The following ITGB4 variants were observed in gnomAD, a reference collection of about 807,000 sequenced individuals.
ITGB4 encodes integrin beta-4.
A neutral mutation model predicts 207.6 loss-of-function variants in ITGB4; 159 were observed. The observed-to-expected ratio is 0.77, with a 90% CI of 0.67 to 0.87. The LOEUF (loss-of-function observed/expected upper bound fraction) is 0.87, where lower values mean the gene tolerates loss of function less well. Ranked by LOEUF, ITGB4 falls within the 40% of genes least tolerant of loss-of-function variation. The probability of loss-of-function intolerance (pLI) is 0.00; values close to 1 mark genes in which losing one functional copy is unlikely to be tolerated. For synonymous variants in ITGB4, 1,020 were observed against 1,062.7 expected (o/e 0.96, Z 0.78); for missense variants, 2,278 against 2,546.8 (o/e 0.89, Z 2.27).
rs1201117418 is a variant in ITGB4 at position 75,742,135 on chromosome 17, A to T, written c.2634-206A>T. ...CATTTCACAGAGGAGGACGCTGAGGACAGGGAGGCGCCATGGCTGGGCTGA... is the reference window on the plus strand; with the variant it reads ...CATTTCACAGAGGAGGACGCTGAGGTCAGGGAGGCGCCATGGCTGGGCTGA... On this transcript the variant is annotated intron_variant, in intron 23 of 39. Transcript: ENST00000200181. This position sits in a 1 kb window ranked among gnomAD's most constrained non-coding sequence, Gnocchi z 5.9. Among the ~76,000 whole-genome samples, 2 of 152,258 alleles carry T rather than the reference A, an allele frequency of 1.3e-5. No individual in the cohort carries two copies. Among genetic ancestry groups the T allele is most frequent in the Admixed American group, 6.5e-5 (1 of 15,284 alleles).
rs1221194765 is a variant in ITGB4 at position 75,729,085 on chromosome 17, G to T, written c.567-180G>T. Among the ~76,000 whole-genome samples the T allele has an allele frequency of 2.0e-5, 3 of 151,252 alleles. No homozygotes were observed. Among genetic ancestry groups the T allele is most frequent in the East Asian group, 1.9e-4 (1 of 5,170 alleles). On this transcript the variant is annotated intron_variant, in intron 6 of 39. Transcript: ENST00000200181. The surrounding 1 kb of genome is among the most constrained non-coding windows in gnomAD (Gnocchi z 4.4). ...AGGCAGGAGAATCACTTGAACCCAGGAGGCAGAGGTTGCAGTGAGCCAAGA... is the reference window on the plus strand; with the variant it reads ...AGGCAGGAGAATCACTTGAACCCAGTAGGCAGAGGTTGCAGTGAGCCAAGA...
chr17:75,733,041 C>A lies in ITGB4; in HGVS notation c.1455-449C>A, dbSNP rs560434130. 2.0e-5 allele frequency among the ~76,000 whole-genome samples: 3 copies of A among 151,598 alleles called. No individual in the cohort carries two copies. The South Asian group carries it at 6.3e-4, about 32-fold the overall frequency. ...CGGAGGTTGCCGTGAGCTGAGATCGCGCCACTGCACTCCAGCCTGGGCAAG... is the reference window on the plus strand; with the variant it reads ...CGGAGGTTGCCGTGAGCTGAGATCGAGCCACTGCACTCCAGCCTGGGCAAG... On this transcript the variant is annotated intron_variant, in intron 12 of 39. Transcript: ENST00000200181.
rs1331585753 is a variant in ITGB4, at chr17:75,757,517, C to T, written c.5431C>T (p.Leu1811Phe). The change falls in exon 40 of 40, where the codon CTT becomes TTT. Residue 1811 changes from leucine (L) to phenylalanine (F), a missense_variant. Physicochemically the swap from Leu to Phe is conservative, Grantham distance 22 (BLOSUM62 0). Transcript: ENST00000200181. ...VSRTLTTSGT[L>F]STHMDQQFFQ... ...CCGGACACTGACCACCAGCGGAACC[C>T]TTAGCACCCACATGGACCAACAGTT... 1 of 1,613,462 alleles carries T rather than the reference C, an allele frequency of 6.2e-7. No individual in the cohort carries two copies. Among genetic ancestry groups the T allele is most frequent in the South Asian group, 1.1e-5 (1 of 91,080 alleles).
rs750026184 is a variant in ITGB4, at chr17:75,728,426, G to A, written c.519G>A (p.Lys173=). The A allele has an allele frequency of 9.3e-6, 15 of 1,614,098 alleles. No individual in the cohort carries two copies. Among genetic ancestry groups the A allele is most frequent in the South Asian group, 2.2e-5 (2 of 91,092 alleles). The stretch of plus-strand genomic sequence containing the variant: ...GCGACTACACTATTGGATTTGGCAA[G>A]TTTGTGGACAAAGTCAGCGTCCCGC... ...LTSDYTIGFG[K]FVDKVSVPQT... Residue 173 remains lysine, a synonymous_variant, in exon 6 of 40, where the codon AAG becomes AAA. Coordinates refer to ENST00000200181, the MANE Select transcript of ITGB4 (RefSeq NM_000213.5).
chr17:75,734,972 G>T (rs754818349), intron 13 of ITGB4, among the ~76,000 whole-genome samples: 2 of 152,204 alleles, frequency 1.3e-5, no homozygotes, highest in Non-Finnish European at 2.9e-5. Flanking sequence ...TATTAACCTT[G>T]TATCTAGTCA....
Position 75,733,631 on chromosome 17 carries a change from G to A in ITGB4, c.1596G>A (p.Glu532=). 6.2e-7 allele frequency: 1 copy of A among 1,614,204 alleles called. No homozygotes were observed. ...TGTGCTACGGCGAAGGCCGCTACGA[G>A]GGTCAGTTCTGCGAGTATGACAACT... ...HCVCYGEGRY[E]GQFCEYDNFQ... is the part of the protein sequence containing the mutation. Residue 532 remains glutamate (E), a synonymous_variant, in exon 13 of 40, where the codon GAG becomes GAA. Coordinates refer to ENST00000200181, the MANE Select transcript of ITGB4 (RefSeq NM_000213.5).
intron 13 of ITGB4, among the ~76,000 whole-genome samples, chr17:75,735,257 T>C (rs2060948070): frequency 1.3e-5 from 2 of 151,760 alleles, no homozygotes. Context: ...CCAGCTAATT[T>C]TTGTATTTTT....
In ITGB4 at chr17:75,740,509, G is replaced by T; in HGVS notation, c.2550+48G>T. 2 of 1,460,160 alleles carry T rather than the reference G, an allele frequency of 1.4e-6. No homozygotes were observed. The highest frequency in any genetic ancestry group is 9.6e-7 in the Non-Finnish European group (1 of 1,042,682). The allele number at this position is 1,460,160 out of a possible 1,614,324, so 90.5% of individuals were successfully genotyped here. A position where few individuals can be genotyped will look rare whatever the true frequency, so the allele number is the denominator to read the frequency against. On this transcript the variant is annotated intron_variant, in intron 21 of 39. Transcript: ENST00000200181. The surrounding 1 kb of genome is among the most constrained non-coding windows in gnomAD (Gnocchi z 5.9). Reference sequence around the variant, plus strand: ...TGGCCGGAGATGTGGGTATGAGGGCGGGTGAGGTGGGCAGGGCAGAGCGAA... The same window carrying T: ...TGGCCGGAGATGTGGGTATGAGGGCTGGTGAGGTGGGCAGGGCAGAGCGAA...
In ITGB4 at chr17:75,740,017, A is replaced by G. The variant is rs747859796; in HGVS notation, c.2392A>G (p.Met798Val). 1 of 1,613,090 alleles carries G rather than the reference A, an allele frequency of 6.2e-7. No homozygotes were observed. The highest frequency in any genetic ancestry group is 1.3e-5 in the African/African-American group (1 of 75,056). The change falls in exon 20 of 40, where the codon ATG (methionine) becomes GTG (valine). Residue 798 changes from methionine (M) to valine (V), a missense_variant. Coordinates refer to ENST00000200181, the MANE Select transcript of ITGB4 (RefSeq NM_000213.5). The surrounding 1 kb of genome is among the most constrained non-coding windows in gnomAD (Gnocchi z 5.9). ...DVVRWKVTNNMQRPGFATHAA... is the reference protein window; with the variant it reads ...DVVRWKVTNNVQRPGFATHAA... ...GGTCCGCTGGAAGGTCACCAACAACATGCAGCGGCCTGGCTTTGCCACTCA... is the reference window on the plus strand; with the variant it reads ...GGTCCGCTGGAAGGTCACCAACAACGTGCAGCGGCCTGGCTTTGCCACTCA...
Position 75,742,573 on chromosome 17 carries a change from C to T in ITGB4, c.2783-9C>T, listed in dbSNP as rs2061137305. 1.9e-6 allele frequency: 3 copies of T among 1,613,854 alleles called. No individual in the cohort carries two copies. Among genetic ancestry groups the T allele is most frequent in the Non-Finnish European group, 2.5e-6 (3 of 1,179,998 alleles). Reference sequence around the variant, plus strand: ...ACCCACCTCTGACCACCTCCGAACCCCCACCCAGACGCCCGGGGCATGGTG... The same window carrying T: ...ACCCACCTCTGACCACCTCCGAACCTCCACCCAGACGCCCGGGGCATGGTG... On this transcript the variant is annotated splice_polypyrimidine_tract_variant and intron_variant, in intron 24 of 39. Transcript: ENST00000200181. This position sits in a 1 kb window ranked among gnomAD's most constrained non-coding sequence, Gnocchi z 5.9.
At chr17:75,738,079 G>A (rs1336865628) in intron 18 of ITGB4, among the ~76,000 whole-genome samples, 1 of 152,148 alleles carries the variant, frequency 6.6e-6, no homozygotes, top group Non-Finnish European at 1.5e-5. Flanking sequence ...ATCTCTCCAT[G>A]CCTCAGTTCC....
Position 75,742,823 on chromosome 17 carries a change from G to A in ITGB4, c.2962+62G>A. The A allele has an allele frequency of 6.6e-7, 1 of 1,514,008 alleles. No individual in the cohort carries two copies. The highest frequency in any genetic ancestry group is 2.3e-5 in the East Asian group (1 of 42,860). 93.8% of individuals were successfully genotyped at this position (1,514,008 alleles called of 1,614,324 possible). A position where few individuals can be genotyped will look rare whatever the true frequency, so the allele number is the denominator to read the frequency against. On this transcript the variant is annotated intron_variant, in intron 25 of 39. Coordinates refer to ENST00000200181, the MANE Select transcript of ITGB4 (RefSeq NM_000213.5). The surrounding 1 kb of genome is among the most constrained non-coding windows in gnomAD (Gnocchi z 5.9). ...GGGCTCGGGGGCACTGGTTCCTCCTGCTTAAGTGGAATTGCGACCTGGCCA... is the reference window on the plus strand; with the variant it reads ...GGGCTCGGGGGCACTGGTTCCTCCTACTTAAGTGGAATTGCGACCTGGCCA...
chr17:75,736,274 C>G lies in ITGB4; in HGVS notation c.1762-14C>G. 6.2e-7 allele frequency: 1 copy of G among 1,612,642 alleles called. No individual in the cohort carries two copies. Among genetic ancestry groups the G allele is most frequent in the South Asian group, 1.1e-5 (1 of 91,036 alleles). On this transcript the variant is annotated splice_polypyrimidine_tract_variant and intron_variant, in intron 14 of 39. Coordinates refer to ENST00000200181, the MANE Select transcript of ITGB4 (RefSeq NM_000213.5). ...GGGGCACAGCTGGCTCACTGGTGCC[C>G]CCTCCTACCCCAGGGCATCTGTAAT...
chr17:75,733,490 G>A lies in ITGB4; in HGVS notation c.1455G>A (p.Trp485Ter), dbSNP rs760385776. Residue 485 changes from tryptophan (W) to a stop codon, truncating the protein, a stop_gained and splice_region_variant, in exon 13 of 40, where the codon TGG becomes TGA. Coordinates refer to ENST00000200181, the MANE Select transcript of ITGB4 (RefSeq NM_000213.5). LOFTEE classifies it high-confidence loss of function. ...VCGQCVCSEG[W>*]SGQTCNCSTG... ...GGGGAATGACCAGTTCCTCCTTCAGGAGTGGCCAGACCTGCAACTGCTCCA... is the reference window on the plus strand; with the variant it reads ...GGGGAATGACCAGTTCCTCCTTCAGAAGTGGCCAGACCTGCAACTGCTCCA... 1 of 1,612,808 alleles carries A rather than the reference G, an allele frequency of 6.2e-7. No individual in the cohort carries two copies. The highest frequency in any genetic ancestry group is 2.2e-5 in the East Asian group (1 of 44,892).
Position 75,736,192 on chromosome 17 carries a change from C to A in ITGB4, c.1761+38C>A, listed in dbSNP as rs8064336. ...ATAAGACAGACAGTGTCTGTCAGCA[C>A]CACCCACCCTCTCCAGAGAGAACCC... On this transcript the variant is annotated intron_variant, in intron 14 of 39. Coordinates refer to ENST00000200181, the MANE Select transcript of ITGB4 (RefSeq NM_000213.5). The A allele has an allele frequency of 1.9e-6, 3 of 1,605,116 alleles. No individual in the cohort carries two copies. The East Asian group carries it at 6.7e-5, about 36-fold the overall frequency.
chr17:75,746,293 C>A (rs1046638742), intron 26 of ITGB4: 1 of 151,348 alleles, frequency 6.6e-6, no homozygotes. Flanking sequence ...CCCAGGCTGG[C>A]GCGATCTCAG....
chr17:75,731,938 G>A lies in ITGB4; in HGVS notation c.1342G>A (p.Ala448Thr), dbSNP rs371466417. 9.3e-6 allele frequency: 15 copies of A among 1,613,950 alleles called. No individual in the cohort carries two copies. Among genetic ancestry groups the A allele is most frequent in the Middle Eastern group, 1.6e-4 (1 of 6,080 alleles). ...CTTCTCCGACGGCCTCAAGATGGAC[G>A]CGGGCATCATCTGTGATGTGTGCAC... ...PSFSDGLKMDAGIICDVCTCE... is the reference protein window; with the variant it reads ...PSFSDGLKMDTGIICDVCTCE... Residue 448 changes from alanine to threonine, a missense_variant, in exon 11 of 40, where the codon GCG becomes ACG. By Grantham distance (58) the Ala-to-Thr change is moderately conservative. Transcript: ENST00000200181. This position sits in a 1 kb window ranked among gnomAD's most constrained non-coding sequence, Gnocchi z 6.8.
chr17:75,741,127 C>T (rs541125171), intron 23 of ITGB4, 122 bp downstream of exon 23: 70 of 1,139,612 alleles, frequency 6.1e-5, no homozygotes, highest in Admixed American at 7.8e-5. Context: ...TCAGATGTGT[C>T]CGTCAGGTTC....
intron 18 of ITGB4, 91 bp downstream of exon 18, chr17:75,737,735 C>T: frequency 9.2e-7 from 1 of 1,089,664 alleles, no homozygotes; most frequent in Non-Finnish European, 1.4e-6. Context: ...CCAGTCCCCG[C>T]CTGAGTTCTC....
Sources: gnomAD v4.1 joint callset for allele counts (sites outside exome capture counted in the v4.1 genomes callset) on GRCh38, gnomAD v4.1.1 for gene constraint, Gnocchi (gnomAD v3.1) non-coding constraint, MANE v1.5 for transcripts, NCBI Gene and HGNC (gene_info 2026-07-23, HGNC 2026-07-21) for gene names.